REPS2: variants seen among roughly 807,000 people sequenced by gnomAD.
REPS2 encodes RALBP1 associated Eps domain containing 2.
A neutral mutation model predicts 53.6 loss-of-function variants in REPS2; 23 were observed. That is an observed-to-expected ratio of 0.43 (90% CI 0.31 to 0.61). REPS2 has a LOEUF of 0.61. Ranked by LOEUF, REPS2 falls within the 20% of genes least tolerant of loss-of-function variation. REPS2 has a pLI of 0.11. For missense variants in REPS2, 446 were observed against 534.9 expected, an observed-to-expected ratio of 0.83 and a Z score of 1.64; for synonymous variants, 238 against 218.6, an observed-to-expected ratio of 1.09 and a Z score of -0.78.
At chrX:17,133,933 A>T (rs2061598502) in intron 15 of REPS2, 26 bp downstream of exon 15, 1 of 1,129,857 alleles carries the variant, frequency 8.9e-7, no homozygotes, top group African/African-American at 1.8e-5. Flanking sequence ...GGATGCTGTC[A>T]GATGGCGTTG....
At chrX:17,106,966 A>G (rs774054040) in intron 14 of REPS2, among the ~76,000 whole-genome samples, 1 of 111,662 alleles carries the variant, frequency 9.0e-6, no homozygotes, top group Non-Finnish European at 1.9e-5. Context: ...GGAGCATAAC[A>G]GAGACCTCAG....
intron 5 of REPS2, among the ~76,000 whole-genome samples, chrX:17,045,920 G>A (rs1569145388): frequency 1.8e-5 from 2 of 110,010 alleles, no homozygotes; most frequent in East Asian, 2.8e-4. Flanking sequence ...GGAGACAGGC[G>A]TTCCTGGGAA....
intron 2 of REPS2, among the ~76,000 whole-genome samples, chrX:17,018,377 TG>T (rs1476059687): frequency 9.1e-6 from 1 of 109,504 alleles, no homozygotes; most frequent in Non-Finnish European, 1.9e-5. Flanking sequence ...TTAGTAGAGA[TG>T]GGGTTTTGTC....
At chrX:17,002,302 C>T (rs775134735) in intron 1 of REPS2, among the ~76,000 whole-genome samples, 1 of 111,190 alleles carries the variant, frequency 9.0e-6, no homozygotes, top group East Asian at 2.8e-4. Context: ...GCATAGCACT[C>T]AGCACATTGC....
chrX:17,026,080 C>G (rs747401747), intron 4 of REPS2, among the ~76,000 whole-genome samples: 2 of 111,665 alleles, frequency 1.8e-5, no homozygotes, highest in East Asian at 5.6e-4. Flanking sequence ...TGTAATCTTG[C>G]AGAGAGAAGC....
At chrX:16,963,181 T>C (rs1297576633) in intron 1 of REPS2, among the ~76,000 whole-genome samples, 3 of 112,558 alleles carry the variant, frequency 2.7e-5, no homozygotes, top group African/African-American at 9.7e-5. Context: ...CTTTTTCTTT[T>C]TTTTCATAGG....
chrX:16,972,818 G>T (rs926261528), intron 1 of REPS2, among the ~76,000 whole-genome samples: 1 of 111,445 alleles, frequency 9.0e-6, no homozygotes, highest in Non-Finnish European at 1.9e-5. Flanking sequence ...AAAAATAGTA[G>T]CATTCCTTTA....
the REPS2 span, among the ~76,000 whole-genome samples, chrX:17,167,532 G>A: frequency 1.8e-5 from 2 of 108,844 alleles, no homozygotes; most frequent in East Asian, 5.8e-4. Context: ...GTTGCTTTGG[G>A]TGTTTTAGTC....
Position 16,951,557 on chromosome X carries a change from A to ACCC in REPS2, c.273+4424_273+4425insCCC, listed in dbSNP as rs1432722996. Among the ~76,000 whole-genome samples the ACCC allele has an allele frequency of 1.3e-3, 28 of 22,205 alleles. 1 individual carries two copies. Among genetic ancestry groups the ACCC allele is most frequent in the East Asian group, 3.4e-3 (1 of 290 alleles). The allele number at this position is 22,205 out of a possible 115,157, so 19.3% of individuals were successfully genotyped here. A position where few individuals can be genotyped will look rare whatever the true frequency, so the allele number is the denominator to read the frequency against. On this transcript the variant is annotated intron_variant, in intron 1 of 17. Transcript: ENST00000357277. ...CACACACACACACACACACACACAC[A>ACCC]CACCCCCGCTACCTACCTCTCTCTG...
At position 17,111,454 on chromosome X, in the gene REPS2, G is replaced by A. The variant is rs759633647; in HGVS notation, c.1578+7675G>A. On this transcript the variant is annotated intron_variant, in intron 14 of 17. Transcript: ENST00000357277. ...ATTATTCCAAAGTGAATTTATAAACGTATATCACTTAAGATGCCACCTTCA... is the reference window on the plus strand; with the variant it reads ...ATTATTCCAAAGTGAATTTATAAACATATATCACTTAAGATGCCACCTTCA... Among the ~76,000 whole-genome samples the A allele has an allele frequency of 5.3e-5, 6 of 112,460 alleles. No homozygotes were observed. In the South Asian group the frequency reaches 1.1e-3, roughly 21 times the overall value.
chrX:17,050,822 A>G (rs1196467913), intron 6 of REPS2, among the ~76,000 whole-genome samples: 1 of 111,790 alleles, frequency 8.9e-6, no homozygotes, highest in Non-Finnish European at 1.9e-5. Flanking sequence ...TGGGGTATCC[A>G]TCCCCTCAAG....
intron 1 of REPS2, among the ~76,000 whole-genome samples, chrX:16,963,820 AG>A (rs2060696743): frequency 1.8e-5 from 2 of 111,225 alleles, no homozygotes; most frequent in Admixed American, 1.9e-4. Flanking sequence ...GGAAGTGGTC[AG>A]GTGGAAGAGA....
chrX:17,004,255 C>T (rs973168409), intron 1 of REPS2, among the ~76,000 whole-genome samples: 5 of 110,905 alleles, frequency 4.5e-5, no homozygotes, highest in African/African-American at 1.6e-4. Flanking sequence ...TATCAAATAT[C>T]TCCACTAATT....
chrX:17,042,203 C>G lies in REPS2; in HGVS notation c.772-5144C>G, dbSNP rs1204638738. 2.7e-5 allele frequency among the ~76,000 whole-genome samples: 3 copies of G among 111,854 alleles called. No individual in the cohort carries two copies. The Admixed American group carries it at 2.8e-4, about 11-fold the overall frequency. ...ACACTGGCAGAGCTCAAAATTGGCA[C>G]CAAGTAGCAAACATCTCTGCTCAGC... On this transcript the variant is annotated intron_variant, in intron 5 of 17. Transcript: ENST00000357277.
intron 1 of REPS2, among the ~76,000 whole-genome samples, chrX:16,972,223 T>C (rs2060903485): frequency 8.9e-6 from 1 of 112,296 alleles, no homozygotes; most frequent in African/African-American, 3.2e-5. Flanking sequence ...TATCACCAAA[T>C]GCTGTTGATG....
At position 17,114,423 on chromosome X, in the gene REPS2, G is replaced by A. The variant is rs183234615; in HGVS notation, c.1578+10644G>A. Among the ~76,000 whole-genome samples, 434 of 112,132 alleles carry A rather than the reference G, an allele frequency of 3.9e-3. 3 individuals are homozygous for A. Among genetic ancestry groups the A allele is most frequent in the African/African-American group, 0.013 (408 of 30,848 alleles). ...TCTGTGAAGGTCTCCAGATGGTTCA[G>A]TCCTAAATGTCAAGTGCCTACTGTT... On this transcript the variant is annotated intron_variant, in intron 14 of 17. Transcript: ENST00000357277.
At chrX:17,024,044 T>C in intron 3 of REPS2, among the ~76,000 whole-genome samples, 1 of 109,095 alleles carries the variant, frequency 9.2e-6, no homozygotes, top group Non-Finnish European at 1.9e-5. Context: ...ATCCCAGCAG[T>C]TGGGGAGGCC....
At chrX:16,964,823 G>A (rs1372316022) in intron 1 of REPS2, among the ~76,000 whole-genome samples, 1 of 81,096 alleles carries the variant, frequency 1.2e-5, no homozygotes, top group East Asian at 4.3e-4. Context: ...GGGGCGGCTG[G>A]CCGGGCAGAG....
rs1479427650 is a variant in REPS2, at chrX:17,152,946, G to T, written c.*5465G>T. ...AAAAATGTATATTTTTTCACTACAA[G>T]TACATTGAACAGTAAAAAGTGTAAC... is the stretch of plus-strand genomic sequence containing the variant. On this transcript the variant is annotated 3_prime_UTR_variant, in exon 18 of 18. Transcript: ENST00000357277. 2 of 112,568 alleles carry T rather than the reference G, an allele frequency of 1.8e-5. No individual in the cohort carries two copies. Among genetic ancestry groups the T allele is most frequent in the Non-Finnish European group, 3.8e-5 (2 of 53,292 alleles). 9.3% of individuals were successfully genotyped at this position (112,568 alleles called of 1,213,427 possible).
Sources: allele counts gnomAD v4.1 joint callset (sites outside exome capture counted in the v4.1 genomes callset), GRCh38; gene constraint gnomAD v4.1.1; transcripts MANE v1.5; gene names NCBI Gene and HGNC (gene_info 2026-07-23, HGNC 2026-07-21).